SGK3: variants seen among roughly 807,000 people sequenced by gnomAD.
SGK3 encodes the protein serum/glucocorticoid regulated kinase family member 3.
In SGK3, 47 loss-of-function variants were observed where a neutral mutation model predicts 68.5. The observed-to-expected ratio is 0.69, with a 90% confidence interval of 0.54 to 0.87. The LOEUF (loss-of-function observed/expected upper bound fraction) is 0.87, where lower values mean the gene tolerates loss of function less well. SGK3 is among the 40% of genes least tolerant of loss of function. The pLI is 0.00. For synonymous variants in SGK3, 181 were observed against 189.1 expected (o/e 0.96, Z 0.35); for missense variants, 479 against 575.5 (o/e 0.83, Z 1.72).
rs1002610046 is a variant in SGK3, at chr8:66,840,327, G to A, written c.891+80G>A. ...TGCTTAGTGCAAAAAAAGTCTCAGA[G>A]ATTCTGTACTGCGTTATTTTATTTA... On this transcript the variant is annotated intron_variant, in intron 12 of 16. Transcript: ENST00000521198. 3.9e-6 allele frequency: 5 copies of A among 1,296,348 alleles called. No homozygotes were observed. In the African/African-American group the frequency reaches 7.4e-5, roughly 19 times the overall value. 80.3% of individuals were successfully genotyped at this position (1,296,348 alleles called of 1,614,324 possible).
chr8:66,731,231 A>T (rs545739035), intron 1 of SGK3, among the ~76,000 whole-genome samples: 2 of 152,262 alleles, frequency 1.3e-5, no homozygotes, highest in South Asian at 4.1e-4. Flanking sequence ...TTTCATGTGT[A>T]TGTTAGAAGA....
intron 6 of SGK3, among the ~76,000 whole-genome samples, chr8:66,828,048 G>C (rs56041142): frequency 0.025 from 3,738 of 151,790 alleles, 154 homozygotes; most frequent in African/African-American, 0.084. Flanking sequence ...GACGTGAAGC[G>C]GGGAGGCGGA....
intron 4 of SGK3, among the ~76,000 whole-genome samples, chr8:66,810,186 T>C (rs1370433775): frequency 1.3e-5 from 2 of 151,312 alleles, no homozygotes; most frequent in East Asian, 1.9e-4. Flanking sequence ...TTAAAGATAC[T>C]GCCATTTAGA....
chr8:66,736,530 C>T (rs1010755814), intron 1 of SGK3, among the ~76,000 whole-genome samples: 1 of 151,812 alleles, frequency 6.6e-6, no homozygotes, highest in Non-Finnish European at 1.5e-5. Context: ...CCATCATAGC[C>T]CACTGCAGCC....
Position 66,822,197 on chromosome 8 carries a change from T to TA in SGK3, c.330-165dup, listed in dbSNP as rs370319759. Among the ~76,000 whole-genome samples the TA allele has an allele frequency of 1.9e-3, 286 of 150,316 alleles. 1 individual carries two copies. Among genetic ancestry groups the TA allele is most frequent in the Non-Finnish European group, 2.9e-3 (195 of 67,446 alleles). ...CCCATTTGTCTATTGGTTTCTCTAT[T>TA]AAAAAAAAAATTAATTTGCGTATTA... On this transcript the variant is annotated intron_variant, in intron 5 of 16. Coordinates refer to ENST00000521198, the MANE Select transcript of SGK3 (RefSeq NM_001033578.3).
At chr8:66,843,349 A>G in intron 13 of SGK3, 103 bp from the exon 14 acceptor site, 2 of 1,140,230 alleles carry the variant, frequency 1.8e-6, no homozygotes, top group Non-Finnish European at 2.5e-6. Context: ...ATTTGGTTTC[A>G]GTATGATAGC....
At chr8:66,852,346 A>G (rs1283171610) in intron 16 of SGK3, among the ~76,000 whole-genome samples, 1 of 131,438 alleles carries the variant, frequency 7.6e-6, no homozygotes, top group Non-Finnish European at 1.5e-5. Flanking sequence ...CAGTGGCGCG[A>G]TCTTGGCTCA....
Position 66,796,321 on chromosome 8 carries a change from A to ATTTTTTTTTTTTTTTTTTTTTTTT in SGK3, c.97-2213_97-2190dup, listed in dbSNP as rs71249408. Among the ~76,000 whole-genome samples the ATTTTTTTTTTTTTTTTTTTTTTTT allele has an allele frequency of 9.7e-5, 4 of 41,360 alleles. 1 individual carries two copies. The highest frequency in any genetic ancestry group is 8.7e-4 in the Admixed American group (2 of 2,298). The allele number at this position is 41,360 out of a possible 152,430, so 27.1% of individuals were successfully genotyped here. A position where few individuals can be genotyped will look rare whatever the true frequency, so the allele number is the denominator to read the frequency against. Reference sequence around the variant, plus strand: ...CCAGCTAATTTTTTGTATTTTTTGTATTTTTTTTTTTTTTTTTTTTTTTTT... The same window carrying ATTTTTTTTTTTTTTTTTTTTTTTT: ...CCAGCTAATTTTTTGTATTTTTTGTATTTTTTTTTTTTTTTTTTTTTTTTTTTTTTTTTTTTTTTTTTTTTTTTT... On this transcript the variant is annotated intron_variant, in intron 2 of 16. Coordinates refer to ENST00000521198, the MANE Select transcript of SGK3 (RefSeq NM_001033578.3).
chr8:66,741,915 G>A (rs1805492491), intron 1 of SGK3, among the ~76,000 whole-genome samples: 1 of 152,296 alleles, frequency 6.6e-6, no homozygotes, highest in South Asian at 2.1e-4. Flanking sequence ...ATAATCTAAG[G>A]TAAAAGGTGC....
chr8:66,712,868 C>T (rs963905369), intron 1 of SGK3, 35 bp downstream of exon 1: 1 of 151,640 alleles, frequency 6.6e-6, no homozygotes, highest in African/African-American at 2.4e-5. Context: ...TCCGCGCGCC[C>T]GGGACTCCGA....
chr8:66,723,881 C>T (rs1331736754), intron 1 of SGK3, among the ~76,000 whole-genome samples: 1 of 152,180 alleles, frequency 6.6e-6, no homozygotes, highest in Non-Finnish European at 1.5e-5. Flanking sequence ...CCCCCTCTCT[C>T]TTCTCACCAA....
At position 66,798,426 on chromosome 8, in the gene SGK3, A is replaced by T. The variant is rs529315387; in HGVS notation, c.97-116A>T. The stretch of plus-strand genomic sequence containing the variant: ...ATATGAAAACATCAGCCTTGGTGAA[A>T]GAGCCAGACTGTCTCAAAAAAAAAA... On this transcript the variant is annotated intron_variant, in intron 2 of 16. Transcript: ENST00000521198. 1.6e-5 allele frequency: 12 copies of T among 764,730 alleles called. No homozygotes were observed. In the Admixed American group the frequency reaches 2.1e-4, roughly 13 times the overall value. 47.4% of individuals were successfully genotyped at this position (764,730 alleles called of 1,614,324 possible). A position where few individuals can be genotyped will look rare whatever the true frequency, so the allele number is the denominator to read the frequency against.
At chr8:66,813,765 C>T (rs1464460941) in intron 4 of SGK3, 88 bp from the exon 5 acceptor site, 1 of 1,135,854 alleles carries the variant, frequency 8.8e-7, no homozygotes, top group Non-Finnish European at 1.2e-6. Context: ...TCAAAATTCA[C>T]TATCTTGTGC....
chr8:66,715,411 C>T (rs1804605438), intron 1 of SGK3, among the ~76,000 whole-genome samples: 1 of 152,140 alleles, frequency 6.6e-6, no homozygotes, highest in Non-Finnish European at 1.5e-5. Context: ...GTGCATGCCC[C>T]CATACCTGGC....
chr8:66,801,560 C>G (rs1283548820), intron 3 of SGK3, among the ~76,000 whole-genome samples: 2 of 152,048 alleles, frequency 1.3e-5, no homozygotes, highest in African/African-American at 4.8e-5. Context: ...GTAAATCCAA[C>G]TGTACCCACC....
At chr8:66,746,403 CT>C (rs1428274807) in intron 1 of SGK3, among the ~76,000 whole-genome samples, 1 of 152,158 alleles carries the variant, frequency 6.6e-6, no homozygotes. Context: ...ACCAGTTTCT[CT>C]GTCTACATCA....
chr8:66,799,522 A>G (rs1807842961), intron 3 of SGK3, among the ~76,000 whole-genome samples: 1 of 152,240 alleles, frequency 6.6e-6, no homozygotes, highest in Non-Finnish European at 1.5e-5. Flanking sequence ...TTGAGTTACT[A>G]ATAGCTATTA....
chr8:66,767,786 A>T, intron 1 of SGK3: 1 of 1,573,376 alleles, frequency 6.4e-7, no homozygotes, highest in African/African-American at 1.4e-5. Context: ...GTCTTTACTG[A>T]CTTTTCTGTA....
chr8:66,857,799 A>ATGTGTG (rs111758415), intron 16 of SGK3, among the ~76,000 whole-genome samples: 6,588 of 133,700 alleles, frequency 0.049, 246 homozygotes, highest in East Asian at 0.058. Context: ...GTGTGTGTGT[A>ATGTGTG]TGTGTGTGTG....
Sources: gnomAD v4.1 joint callset for allele counts (sites outside exome capture counted in the v4.1 genomes callset) on GRCh38, gnomAD v4.1.1 for gene constraint, MANE v1.5 for transcripts, NCBI Gene and HGNC (gene_info 2026-07-23, HGNC 2026-07-21) for gene names.